The following MCTP1 variants were observed in gnomAD, a reference collection of about 807,000 sequenced individuals.
The protein encoded by MCTP1 is multiple C2 and transmembrane domain-containing protein 1.
In MCTP1, 69 loss-of-function variants were observed where a neutral mutation model predicts 120.6. The observed-to-expected ratio is 0.57, with a 90% CI of 0.47 to 0.70. MCTP1 has a LOEUF of 0.70. Among genes scored for constraint, MCTP1 ranks in the 30% least tolerant of loss-of-function variants. MCTP1 has a pLI of 0.00. For synonymous variants in MCTP1, 529 were observed against 493.1 expected (o/e 1.07, Z -0.96); for missense variants, 1,203 against 1,248.8 (o/e 0.96, Z 0.55).
At chr5:94,863,047 C>T (rs749639740) in intron 17 of MCTP1, among the ~76,000 whole-genome samples, 15 of 151,686 alleles carry the variant, frequency 9.9e-5, no homozygotes, top group Non-Finnish European at 2.1e-4. Flanking sequence ...AAATGTTTAA[C>T]GTAGCTTCTA....
intron 19 of MCTP1, among the ~76,000 whole-genome samples, chr5:94,750,021 G>A (rs73133908): frequency 0.092 from 13,988 of 152,230 alleles, 730 homozygotes; most frequent in South Asian, 0.12. Context: ...TAAAATCTAC[G>A]TCCTTTAGTA....
chr5:95,053,502 A>G (rs1746548995), intron 1 of MCTP1, among the ~76,000 whole-genome samples: 1 of 152,208 alleles, frequency 6.6e-6, no homozygotes, highest in East Asian at 1.9e-4. Flanking sequence ...CTGGAGATCC[A>G]GTTAAACTAC....
intron 5 of MCTP1, among the ~76,000 whole-genome samples, chr5:94,934,357 T>C (rs987747867): frequency 1.3e-5 from 2 of 151,832 alleles, no homozygotes; most frequent in Non-Finnish European, 1.5e-5. Flanking sequence ...CTGAGAAACA[T>C]ATGAATTAAT....
At chr5:94,722,328 C>T (rs1247868261) in intron 19 of MCTP1, among the ~76,000 whole-genome samples, 1 of 152,110 alleles carries the variant, frequency 6.6e-6, no homozygotes, top group African/African-American at 2.4e-5. Context: ...CTGGTTTTTC[C>T]TGCCGAGCTG....
intron 3 of MCTP1, among the ~76,000 whole-genome samples, chr5:94,943,593 C>G (rs1239456945): frequency 3.3e-5 from 5 of 152,026 alleles, no homozygotes; most frequent in Admixed American, 2.0e-4. Context: ...ATGCTAGGAA[C>G]TGAGTAAACA....
At chr5:95,276,660 A>G (rs373416149) in intron 1 of MCTP1, among the ~76,000 whole-genome samples, 4 of 149,442 alleles carry the variant, frequency 2.7e-5, no homozygotes, top group Non-Finnish European at 4.5e-5. Flanking sequence ...GGTACAAAAA[A>G]CAGGTCAGGC....
chr5:94,866,143 G>A (rs552296465), intron 17 of MCTP1, among the ~76,000 whole-genome samples: 2 of 151,918 alleles, frequency 1.3e-5, no homozygotes, highest in Admixed American at 6.6e-5. Flanking sequence ...TATTTATCTG[G>A]CATCATTGAA....
At chr5:94,987,033 T>C (rs1675897114) in intron 2 of MCTP1, among the ~76,000 whole-genome samples, 1 of 152,222 alleles carries the variant, frequency 6.6e-6, no homozygotes, top group East Asian at 1.9e-4. Flanking sequence ...AAAGGCTATG[T>C]GAATATTTGT....
intron 1 of MCTP1, among the ~76,000 whole-genome samples, chr5:95,080,887 T>C (rs1302070288): frequency 6.6e-6 from 1 of 152,220 alleles, no homozygotes; most frequent in Non-Finnish European, 1.5e-5. Context: ...TTTCTAAGTA[T>C]GCTAGTCTTT....
intron 1 of MCTP1, among the ~76,000 whole-genome samples, chr5:95,162,816 C>T (rs1216765044): frequency 6.6e-6 from 1 of 152,140 alleles, no homozygotes; most frequent in Non-Finnish European, 1.5e-5. Flanking sequence ...GTGCTCTTCC[C>T]TCAGGATTTA....
At chr5:95,052,963 C>T (rs1329203146) in intron 1 of MCTP1, among the ~76,000 whole-genome samples, 1 of 152,132 alleles carries the variant, frequency 6.6e-6, no homozygotes, top group Non-Finnish European at 1.5e-5. Flanking sequence ...CAGGGAAAAG[C>T]ACTTTATACC....
intron 19 of MCTP1, among the ~76,000 whole-genome samples, chr5:94,751,321 A>G (rs1768243515): frequency 6.6e-6 from 1 of 151,834 alleles, no homozygotes; most frequent in Non-Finnish European, 1.5e-5. Context: ...AGTTCAGGTA[A>G]TTTAGCATAC....
At chr5:95,113,437 G>A (rs113621260) in intron 1 of MCTP1, among the ~76,000 whole-genome samples, 15 of 152,128 alleles carry the variant, frequency 9.9e-5, no homozygotes, top group African/African-American at 3.6e-4. Flanking sequence ...CCAAGCAGTG[G>A]CTGCATGGTG....
chr5:94,772,231 CTCTT>C (rs879502893), intron 19 of MCTP1, among the ~76,000 whole-genome samples: 3 of 152,138 alleles, frequency 2.0e-5, no homozygotes, highest in African/African-American at 7.2e-5. Flanking sequence ...CCCTGTGGTT[CTCTT>C]TCTGAGTCTG....
chr5:95,138,198 C>T (rs1050243090), intron 1 of MCTP1, among the ~76,000 whole-genome samples: 1 of 151,294 alleles, frequency 6.6e-6, no homozygotes, highest in Non-Finnish European at 1.5e-5. Context: ...TGATTGTGTA[C>T]CAAGATGCAT....
At chr5:94,816,920 T>G (rs986744027) in intron 17 of MCTP1, among the ~76,000 whole-genome samples, 2 of 152,314 alleles carry the variant, frequency 1.3e-5, no homozygotes, top group Middle Eastern at 3.4e-3. Context: ...TTAAAAAATG[T>G]TATTTTCTTC....
intron 1 of MCTP1, among the ~76,000 whole-genome samples, chr5:95,047,331 C>G (rs1185243999): frequency 6.6e-6 from 1 of 152,072 alleles, no homozygotes; most frequent in East Asian, 1.9e-4. Context: ...GAGCAGGCAC[C>G]ATGGCACAGA....
chr5:94,972,853 C>A (rs1371412335), intron 2 of MCTP1, among the ~76,000 whole-genome samples: 1 of 151,940 alleles, frequency 6.6e-6, no homozygotes, highest in African/African-American at 2.4e-5. Flanking sequence ...GGGGGATGAA[C>A]CAGCTTTTCC....
chr5:95,148,971 T>C (rs1760656121), intron 1 of MCTP1, among the ~76,000 whole-genome samples: 2 of 152,204 alleles, frequency 1.3e-5, no homozygotes, highest in South Asian at 4.1e-4. Flanking sequence ...TTTGGTGCTG[T>C]AATTTGGACT....
Sources: gnomAD v4.1 joint callset for allele counts (sites outside exome capture counted in the v4.1 genomes callset) on GRCh38, gnomAD v4.1.1 for gene constraint, MANE v1.5 for transcripts, NCBI Gene and HGNC (gene_info 2026-07-23, HGNC 2026-07-21) for gene names.